SLC2A13: variants seen among roughly 807,000 people sequenced by gnomAD.
SLC2A13 encodes the protein proton myo-inositol cotransporter.
A neutral mutation model predicts 64.4 loss-of-function variants in SLC2A13; 32 were observed. The ratio of observed to expected loss-of-function variants is 0.50; its 90% CI spans 0.37 to 0.67. The LOEUF is 0.67. SLC2A13 is among the 30% of genes least tolerant of loss of function. SLC2A13 has a pLI of 0.00. For synonymous variants in SLC2A13, 338 were observed against 327.1 expected (o/e 1.03, Z -0.36); for missense variants, 743 against 829.2 (o/e 0.90, Z 1.28).
intron 2 of SLC2A13, among the ~76,000 whole-genome samples, chr12:40,046,612 C>T (rs925460118): frequency 6.6e-6 from 1 of 151,650 alleles, no homozygotes. Context: ...ATCGTCTTTC[C>T]TCTTTCTCTT....
intron 3 of SLC2A13, among the ~76,000 whole-genome samples, chr12:40,008,179 A>G (rs781347694): frequency 7.9e-5 from 12 of 152,224 alleles, no homozygotes; most frequent in Non-Finnish European, 1.8e-4. Flanking sequence ...CCTTATAACA[A>G]CATTCTCTTA....
chr12:39,961,413 T>A (rs1591953081), intron 3 of SLC2A13, among the ~76,000 whole-genome samples: 1 of 152,272 alleles, frequency 6.6e-6, no homozygotes, highest in African/African-American at 2.4e-5. Flanking sequence ...ATCAGTAATA[T>A]CCTTGATGAA....
At chr12:39,907,763 C>T (rs60515036) in intron 4 of SLC2A13, 1 of 152,274 alleles carries the variant, frequency 6.6e-6, no homozygotes, top group East Asian at 1.9e-4. Context: ...GGATTGGACA[C>T]ATGTCTTGGA....
intron 4 of SLC2A13, among the ~76,000 whole-genome samples, chr12:39,918,547 A>G (rs571546668): frequency 1.5e-4 from 23 of 152,042 alleles, no homozygotes; most frequent in Non-Finnish European, 1.3e-4. Context: ...AGTAGTTAGT[A>G]TATCTGTGAA....
chr12:39,944,390 GTTTC>G (rs1198520852), intron 4 of SLC2A13, among the ~76,000 whole-genome samples: 1 of 152,198 alleles, frequency 6.6e-6, no homozygotes, highest in African/African-American at 2.4e-5. Context: ...TAAATCCACT[GTTTC>G]TTTGTTGACT....
At chr12:40,025,080 C>CCTT (rs1379610843) in intron 3 of SLC2A13, among the ~76,000 whole-genome samples, 1 of 152,204 alleles carries the variant, frequency 6.6e-6, no homozygotes, top group Non-Finnish European at 1.5e-5. Flanking sequence ...TCCCATACTG[C>CCTT]CTTTTTGTTG....
chr12:39,995,048 C>A (rs1260248835), intron 3 of SLC2A13, among the ~76,000 whole-genome samples: 3 of 152,164 alleles, frequency 2.0e-5, no homozygotes, highest in African/African-American at 7.2e-5. Flanking sequence ...AACATCAAAA[C>A]AATACTTGGT....
chr12:39,947,345 A>G (rs957304150), intron 4 of SLC2A13, among the ~76,000 whole-genome samples: 2 of 152,230 alleles, frequency 1.3e-5, no homozygotes, highest in Non-Finnish European at 2.9e-5. Flanking sequence ...CTTCTTAGGT[A>G]AAAATCTGAT....
At chr12:39,887,257 A>G (rs951102244) in intron 4 of SLC2A13, among the ~76,000 whole-genome samples, 1 of 152,244 alleles carries the variant, frequency 6.6e-6, no homozygotes. Context: ...ATAAAATACA[A>G]AAGTCATACA....
intron 1 of SLC2A13, among the ~76,000 whole-genome samples, chr12:40,076,363 A>G (rs1174608439): frequency 1.3e-5 from 2 of 152,084 alleles, no homozygotes; most frequent in Admixed American, 6.6e-5. Context: ...CTTTGCATCC[A>G]TGAGTACTCA....
chr12:39,899,545 C>G (rs968301851), intron 4 of SLC2A13, among the ~76,000 whole-genome samples: 3 of 152,058 alleles, frequency 2.0e-5, no homozygotes, highest in African/African-American at 4.8e-5. Flanking sequence ...TTTGCTCTTG[C>G]TTTTCTAGTT....
At chr12:39,844,668 A>C (rs1943261250) in intron 6 of SLC2A13, among the ~76,000 whole-genome samples, 1 of 152,088 alleles carries the variant, frequency 6.6e-6, no homozygotes, top group African/African-American at 2.4e-5. Context: ...ATTTATAGTC[A>C]TACACTCAGC....
intron 7 of SLC2A13, among the ~76,000 whole-genome samples, chr12:39,796,290 G>C (rs1349385297): frequency 6.6e-6 from 1 of 151,754 alleles, no homozygotes; most frequent in African/African-American, 2.4e-5. Context: ...TTGGAATGTG[G>C]GCAGAAATAC....
At chr12:39,809,556 G>A (rs1297739854) in intron 7 of SLC2A13, among the ~76,000 whole-genome samples, 4 of 152,144 alleles carry the variant, frequency 2.6e-5, no homozygotes, top group Non-Finnish European at 5.9e-5. Flanking sequence ...TGCACAACGT[G>A]CAGGTTTGTT....
intron 7 of SLC2A13, chr12:39,829,398 T>C (rs1310259659): frequency 1.1e-5 from 1 of 94,748 alleles, no homozygotes; most frequent in Non-Finnish European, 2.1e-5. Flanking sequence ...AATTCTTTTT[T>C]TTTTTTTTTT....
intron 6 of SLC2A13, among the ~76,000 whole-genome samples, chr12:39,834,444 A>T (rs1466467789): frequency 6.6e-6 from 1 of 152,048 alleles, no homozygotes; most frequent in Non-Finnish European, 1.5e-5. Flanking sequence ...CAGGACCAAC[A>T]CCAAGTCTCA....
rs922432660 is a variant in SLC2A13 at position 39,899,924 on chromosome 12, G to A, written c.1035-27963C>T. 5.9e-5 allele frequency among the ~76,000 whole-genome samples: 9 copies of A among 151,978 alleles called. No individual in the cohort carries two copies. The South Asian group carries it at 1.9e-3, about 32-fold the overall frequency. Reference sequence around the variant, plus strand: ...AACTATGTGGTCAATTTTGGAATAGGTGTGGGGTGGTGCTGAAAAAAATAC... The same window carrying A: ...AACTATGTGGTCAATTTTGGAATAGATGTGGGGTGGTGCTGAAAAAAATAC... On this transcript the variant is annotated intron_variant, in intron 4 of 9. Transcript: ENST00000280871.
At chr12:39,991,931 C>T (rs1947145243) in intron 3 of SLC2A13, among the ~76,000 whole-genome samples, 1 of 152,160 alleles carries the variant, frequency 6.6e-6, no homozygotes, top group Non-Finnish European at 1.5e-5. Flanking sequence ...CCTGAATGTT[C>T]TGCAGGCATC....
At chr12:39,772,196 C>T (rs937866667) in intron 7 of SLC2A13, among the ~76,000 whole-genome samples, 1 of 152,138 alleles carries the variant, frequency 6.6e-6, no homozygotes, top group African/African-American at 2.4e-5. Context: ...GTCAAGAGCA[C>T]AGGGTCTAAT....
Sources: gnomAD v4.1 joint callset for allele counts (sites outside exome capture counted in the v4.1 genomes callset) on GRCh38, gnomAD v4.1.1 for gene constraint, MANE v1.5 for transcripts, NCBI Gene and HGNC (gene_info 2026-07-23, HGNC 2026-07-21) for gene names.